The following USP8 variants were observed in gnomAD, a reference collection of about 807,000 sequenced individuals.
The protein encoded by USP8 is ubiquitin carboxyl-terminal hydrolase 8.
USP8 carries 27 observed loss-of-function variants against 130.0 expected under a neutral mutation model. The observed-to-expected ratio is 0.21, with a 90% CI of 0.15 to 0.29. The LOEUF is 0.29. USP8 is among the 10% of genes least tolerant of loss of function. The pLI, the probability that USP8 is intolerant of heterozygous loss-of-function variation, is 1.00. For synonymous variants in USP8, 392 were observed against 444.1 expected (o/e 0.88, Z 1.48); for missense variants, 1,029 against 1,312.2 (o/e 0.78, Z 3.33).
intron 8 of USP8, among the ~76,000 whole-genome samples, chr15:50,472,431 TA>T (rs2051410145): frequency 6.7e-6 from 1 of 150,022 alleles, no homozygotes. Context: ...CCATCTCTAC[TA>T]AAAATTACAA....
intron 1 of USP8, among the ~76,000 whole-genome samples, chr15:50,431,937 T>G (rs1033403678): frequency 6.6e-6 from 1 of 152,184 alleles, no homozygotes; most frequent in African/African-American, 2.4e-5. Flanking sequence ...ATTACAGGTG[T>G]CAGCCACCAT....
intron 1 of USP8, among the ~76,000 whole-genome samples, chr15:50,425,118 C>CA: frequency 6.6e-6 from 1 of 152,254 alleles, no homozygotes; most frequent in African/African-American, 2.4e-5. Flanking sequence ...TATAAAGCTG[C>CA]AGACCACCCT....
At chr15:50,454,992 TCTCCCTTCAA>T (rs1282443577) in intron 4 of USP8, among the ~76,000 whole-genome samples, 1 of 143,164 alleles carries the variant, frequency 7.0e-6, no homozygotes, top group Non-Finnish European at 1.6e-5. Context: ...CCAGGATGGT[TCTCCCTTCAA>T]ATACTGACTC....
chr15:50,495,228 T>TTG lies in USP8; in HGVS notation c.2659-616_2659-615dup, dbSNP rs147661253. Among the ~76,000 whole-genome samples, 10 of 104,494 alleles carry TTG rather than the reference T, an allele frequency of 9.6e-5. 2 individuals carry two copies. Among genetic ancestry groups the TTG allele is most frequent in the Admixed American group, 1.4e-4 (1 of 7,132 alleles). 68.6% of individuals were successfully genotyped at this position (104,494 alleles called of 152,430 possible). ...TACACACACACCTACACAAAAATAT[T>TTG]TGTGTATATATATATACGTGTATAT... On this transcript the variant is annotated intron_variant, in intron 16 of 19. Coordinates refer to ENST00000307179, the MANE Select transcript of USP8 (RefSeq NM_005154.5).
rs2050542921 is a variant in USP8, at chr15:50,449,388, C to T, written c.250-12C>T. 4 of 1,548,784 alleles carry T rather than the reference C, an allele frequency of 2.6e-6. No individual in the cohort carries two copies. The highest frequency in any genetic ancestry group is 3.5e-6 in the Non-Finnish European group (4 of 1,144,454). On this transcript the variant is annotated splice_polypyrimidine_tract_variant and intron_variant, in intron 3 of 19. Transcript: ENST00000307179. ...GAACTAACAATATGGGATGGTTTTC[C>T]TATAATTTTAGGATTATTTCCATTC...
chr15:50,439,300 G>A, intron 2 of USP8, 123 bp downstream of exon 2: 1 of 605,168 alleles, frequency 1.7e-6, no homozygotes, highest in Admixed American at 3.6e-5. Context: ...AATAAAGTAG[G>A]ACCTCCTTAG....
intron 8 of USP8, among the ~76,000 whole-genome samples, chr15:50,472,044 G>C (rs1286848818): frequency 6.6e-6 from 1 of 151,692 alleles, no homozygotes; most frequent in Non-Finnish European, 1.5e-5. Context: ...GGGACTGCAG[G>C]CGTGAGCCAC....
At chr15:50,441,741 A>G (rs2050268835) in intron 3 of USP8, among the ~76,000 whole-genome samples, 1 of 152,130 alleles carries the variant, frequency 6.6e-6, no homozygotes, top group Admixed American at 6.6e-5. Flanking sequence ...ACAGATTCAT[A>G]ATTTTTTTCT....
In USP8 at chr15:50,487,827, T is replaced by C. The variant is rs146848266; in HGVS notation, c.1891-1974T>C. 2.0e-4 allele frequency among the ~76,000 whole-genome samples: 30 copies of C among 152,348 alleles called. No homozygotes were observed. In the East Asian group the frequency reaches 5.6e-3, roughly 28 times the overall value. On this transcript the variant is annotated intron_variant, in intron 12 of 19. Coordinates refer to ENST00000307179, the MANE Select transcript of USP8 (RefSeq NM_005154.5). ...GTATTTGCTGAGCAACTACTATGTC[T>C]CTAGCACTGTGCTAAATGCTTGAGG...
intron 5 of USP8, among the ~76,000 whole-genome samples, chr15:50,461,356 A>G (rs1244469161): frequency 6.7e-6 from 1 of 149,890 alleles, no homozygotes; most frequent in Non-Finnish European, 1.5e-5. Flanking sequence ...CCAGCTACTC[A>G]GGAGGCCAAG....
intron 4 of USP8, among the ~76,000 whole-genome samples, chr15:50,458,101 A>G (rs770282312): frequency 1.3e-4 from 20 of 152,146 alleles, no homozygotes; most frequent in Non-Finnish European, 2.2e-4. Flanking sequence ...TTGCAGGTCT[A>G]TGATAACGTA....
Position 50,499,843 on chromosome 15 carries a change from A to AT in USP8, c.*759dup, listed in dbSNP as rs1236228815. ...CAAATATAGGACAGTAAAACCATAGATTTTATATACACACGTGCTATATAA... is the reference window on the plus strand; with the variant it reads ...CAAATATAGGACAGTAAAACCATAGATTTTTATATACACACGTGCTATATAA... On this transcript the variant is annotated 3_prime_UTR_variant, in exon 20 of 20. Transcript: ENST00000307179. 3.9e-5 allele frequency: 6 copies of AT among 152,276 alleles called. No individual in the cohort carries two copies. In the South Asian group the frequency reaches 6.2e-4, roughly 16 times the overall value. The allele number at this position is 152,276 out of a possible 1,614,324, so 9.4% of individuals were successfully genotyped here. A position where few individuals can be genotyped will look rare whatever the true frequency, so the allele number is the denominator to read the frequency against.
In USP8 at chr15:50,482,079, G is replaced by C; in HGVS notation, c.1803+14G>C. On this transcript the variant is annotated intron_variant, in intron 11 of 19. Transcript: ENST00000307179. ...GGTTCAGGCAAGGTAAGCAGAAACA[G>C]TACAAATTGCCAACGAAGTGAAAGA... The C allele has an allele frequency of 6.8e-7, 1 of 1,463,702 alleles. No individual in the cohort carries two copies. Among genetic ancestry groups the C allele is most frequent in the South Asian group, 1.6e-5 (1 of 63,988 alleles). 90.7% of individuals were successfully genotyped at this position (1,463,702 alleles called of 1,614,324 possible).
At chr15:50,462,654 C>CTT (rs1376754211) in intron 6 of USP8, among the ~76,000 whole-genome samples, 5 of 152,296 alleles carry the variant, frequency 3.3e-5, no homozygotes, top group Admixed American at 1.3e-4. Context: ...TCTCAGAAGT[C>CTT]AAACTGCCGG....
chr15:50,445,747 C>T (rs531206172), intron 3 of USP8, among the ~76,000 whole-genome samples: 54 of 149,940 alleles, frequency 3.6e-4, no homozygotes, highest in African/African-American at 1.3e-3. Flanking sequence ...ATCCCAGCTA[C>T]TTGGAAGGCC....
In USP8 at chr15:50,503,365, T is replaced by C. The variant is rs753959303; in HGVS notation, c.*4277T>C. ...AATTTAACAACAGTATGGTGTGTGG[T>C]TTATGCTTTGTGACTGCCTGGGCGT... On this transcript the variant is annotated 3_prime_UTR_variant, in exon 20 of 20. Coordinates refer to ENST00000307179, the MANE Select transcript of USP8 (RefSeq NM_005154.5). The C allele has an allele frequency of 6.6e-6, 1 of 152,242 alleles. No homozygotes were observed. The highest frequency in any genetic ancestry group is 1.5e-5 in the Non-Finnish European group (1 of 68,092). The allele number at this position is 152,242 out of a possible 1,614,324, so 9.4% of individuals were successfully genotyped here.
At chr15:50,465,524 C>T (rs3131568) in intron 7 of USP8, among the ~76,000 whole-genome samples, 76,499 of 151,902 alleles carry the variant, frequency 0.5, 19,439 homozygotes, top group East Asian at 0.58. Flanking sequence ...ACGGATTTGC[C>T]AACTTTTGAT....
At chr15:50,472,525 A>T (rs1305662704) in intron 8 of USP8, among the ~76,000 whole-genome samples, 4 of 149,458 alleles carry the variant, frequency 2.7e-5, no homozygotes, top group Non-Finnish European at 5.9e-5. Context: ...GGAACCCGGG[A>T]GGCAGAGTTT....
In USP8 at chr15:50,439,078, C is replaced by T. The variant is rs2141253719; in HGVS notation, c.5C>T (p.Pro2Leu). Residue 2 changes from proline to leucine, a missense_variant, in exon 2 of 20, where the codon CCT (proline) becomes CTT (leucine). Transcript: ENST00000307179. Reference protein sequence around the residue: MPAVASVPKELY... With the variant: MLAVASVPKELY... ...GAAAAGTAAAGATAATTCATCATGC[C>T]TGCTGTGGCTTCAGTTCCTAAAGAA... The T allele has an allele frequency of 6.2e-7, 1 of 1,607,808 alleles. No individual in the cohort carries two copies. The highest frequency in any genetic ancestry group is 8.5e-7 in the Non-Finnish European group (1 of 1,177,204).
Sources: allele counts gnomAD v4.1 joint callset (sites outside exome capture counted in the v4.1 genomes callset), GRCh38; gene constraint gnomAD v4.1.1; transcripts MANE v1.5; gene names NCBI Gene and HGNC (gene_info 2026-07-23, HGNC 2026-07-21).